The following DEFB131A variants were observed in gnomAD, a reference collection of about 807,000 sequenced individuals.
DEFB131A encodes defensin beta 131A.
DEFB131A carries 5 observed loss-of-function variants against 2.4 expected under a neutral mutation model. That is an observed-to-expected ratio of 2.12 (90% confidence interval 1.11 to 4.47). The LOEUF (loss-of-function observed/expected upper bound fraction) is 4.47, where lower values mean the gene tolerates loss of function less well. DEFB131A is among the 30% of genes most tolerant of loss of function. The pLI is 0.00. For synonymous variants in DEFB131A, 34 were observed against 25.7 expected (o/e 1.32, Z -0.97); for missense variants, 120 against 79.9 (o/e 1.50, Z -1.91).
rs759649702 is a variant in DEFB131A, at chr4:9,444,510, C to G, written c.-24C>G. 3.1e-6 allele frequency: 5 copies of G among 1,610,634 alleles called. No individual in the cohort carries two copies. The highest frequency in any genetic ancestry group is 4.2e-6 in the Non-Finnish European group (5 of 1,179,258). On this transcript the variant is annotated 5_prime_UTR_variant, in exon 1 of 2. Coordinates refer to ENST00000334879, the MANE Select transcript of DEFB131A (RefSeq NM_001040448.3). ...TCTTCATCTCAGCTACTGATTCTCT[C>G]TAACCTGCTTTACCTATTCAACCAT...
chr4:9,445,006 A>G (rs1717458159), intron 1 of DEFB131A, among the ~76,000 whole-genome samples: 1 of 152,048 alleles, frequency 6.6e-6, no homozygotes, highest in Non-Finnish European at 1.5e-5. Flanking sequence ...CTCGAGCCTG[A>G]GATGTCAAGG....
intron 1 of DEFB131A, 128 bp downstream of exon 1, chr4:9,444,719 G>A (rs1294767573): frequency 1.1e-6 from 1 of 911,120 alleles, no homozygotes; most frequent in African/African-American, 1.6e-5. Flanking sequence ...CTGCTCAGAG[G>A]ATTGAAGAGT....
In DEFB131A at chr4:9,450,590, A is replaced by G; in HGVS notation, c.*76A>G. The G allele has an allele frequency of 1.3e-6, 2 of 1,508,252 alleles. No individual in the cohort carries two copies. Among genetic ancestry groups the G allele is most frequent in the Non-Finnish European group, 1.8e-6 (2 of 1,118,840 alleles). 93.4% of individuals were successfully genotyped at this position (1,508,252 alleles called of 1,614,324 possible). A position where few individuals can be genotyped will look rare whatever the true frequency, so the allele number is the denominator to read the frequency against. ...ACTCTCTTATCTATGAATAATTAAC[A>G]TGATAGATGAAAATTATTATAATTG... On this transcript the variant is annotated 3_prime_UTR_variant, in exon 2 of 2. Transcript: ENST00000334879.
At chr4:9,447,689 G>A (rs1399502871) in intron 1 of DEFB131A, among the ~76,000 whole-genome samples, 1 of 150,656 alleles carries the variant, frequency 6.6e-6, no homozygotes, top group Non-Finnish European at 1.5e-5. Context: ...CATACCCTGG[G>A]AGTCTCATTT....
Position 9,444,999 on chromosome 4 carries a change from G to A in DEFB131A, c.58+408G>A, listed in dbSNP as rs138399907. On this transcript the variant is annotated intron_variant, in intron 1 of 1. Coordinates refer to ENST00000334879, the MANE Select transcript of DEFB131A (RefSeq NM_001040448.3). ...TCAGGAAGCTTAGGCAGGATCGCTC[G>A]AGCCTGAGATGTCAAGGCTGCATTC... 1.4e-3 allele frequency among the ~76,000 whole-genome samples: 211 copies of A among 152,046 alleles called. No individual in the cohort carries two copies. In the East Asian group the frequency reaches 0.019, roughly 14 times the overall value.
intron 1 of DEFB131A, among the ~76,000 whole-genome samples, chr4:9,445,368 G>C (rs1440655381): frequency 6.6e-6 from 1 of 151,996 alleles, no homozygotes; most frequent in Non-Finnish European, 1.5e-5. Flanking sequence ...TTTTTGTATG[G>C]TGAGAGTTAA....
At chr4:9,448,173 A>C (rs1336237022) in intron 1 of DEFB131A, among the ~76,000 whole-genome samples, 2 of 136,286 alleles carry the variant, frequency 1.5e-5, no homozygotes, top group Admixed American at 1.4e-4. Context: ...TCAAAGACAA[A>C]AAAAAAAAAA....
intron 1 of DEFB131A, among the ~76,000 whole-genome samples, chr4:9,447,025 A>T (rs1049314639): frequency 3.3e-5 from 5 of 152,118 alleles, no homozygotes; most frequent in Non-Finnish European, 5.9e-5. Flanking sequence ...AGCCTGGAGA[A>T]TGTTCTATGT....
Position 9,444,951 on chromosome 4 carries a change from C to T in DEFB131A, c.58+360C>T, listed in dbSNP as rs558995875. Among the ~76,000 whole-genome samples, 16 of 151,582 alleles carry T rather than the reference C, an allele frequency of 1.1e-4. 1 individual carries two copies. In the Middle Eastern group the frequency reaches 0.01, roughly 97 times the overall value. ...ACAAAAAATTAATCAGGTATAGTGG[C>T]GCGTGTCTGTGGTTCTGGCTACTCA... is the stretch of plus-strand genomic sequence containing the variant. On this transcript the variant is annotated intron_variant, in intron 1 of 1. Coordinates refer to ENST00000334879, the MANE Select transcript of DEFB131A (RefSeq NM_001040448.3).
chr4:9,450,098 T>G (rs1328692210), intron 1 of DEFB131A, among the ~76,000 whole-genome samples: 2 of 152,184 alleles, frequency 1.3e-5, no homozygotes, highest in Admixed American at 6.6e-5. Context: ...TAATTCATTT[T>G]AGGTAGAAAT....
chr4:9,448,107 G>A (rs540196744), intron 1 of DEFB131A, among the ~76,000 whole-genome samples: 33 of 150,616 alleles, frequency 2.2e-4, no homozygotes, highest in African/African-American at 3.9e-4. Flanking sequence ...AGAATAACAC[G>A]CAAGATAAAT....
chr4:9,446,426 A>G (rs1366446448), intron 1 of DEFB131A, among the ~76,000 whole-genome samples: 1 of 152,092 alleles, frequency 6.6e-6, no homozygotes, highest in Non-Finnish European at 1.5e-5. Context: ...TTTCTTTTAT[A>G]TCAGTTGTAA....
chr4:9,446,284 T>A (rs1446902686), intron 1 of DEFB131A, among the ~76,000 whole-genome samples: 3 of 152,136 alleles, frequency 2.0e-5, no homozygotes, highest in African/African-American at 7.2e-5. Context: ...TAATATGATT[T>A]ATTATAAAGT....
chr4:9,449,354 C>T (rs546069180), intron 1 of DEFB131A, among the ~76,000 whole-genome samples: 2 of 93,600 alleles, frequency 2.1e-5, no homozygotes, highest in Non-Finnish European at 2.3e-5. Context: ...GACATATAGG[C>T]CACTGGAAGA....
chr4:9,447,691 G>T (rs1304071709), intron 1 of DEFB131A, among the ~76,000 whole-genome samples: 2 of 149,314 alleles, frequency 1.3e-5, no homozygotes, highest in African/African-American at 5.0e-5. Context: ...TACCCTGGGA[G>T]TCTCATTTTA....
intron 1 of DEFB131A, among the ~76,000 whole-genome samples, chr4:9,448,710 A>G (rs1236754327): frequency 2.0e-5 from 3 of 152,202 alleles, no homozygotes; most frequent in Non-Finnish European, 4.4e-5. Context: ...TTACAATAAA[A>G]GTAAAAAGAA....
At chr4:9,446,328 A>G (rs1382748748) in intron 1 of DEFB131A, among the ~76,000 whole-genome samples, 4 of 147,386 alleles carry the variant, frequency 2.7e-5, no homozygotes, top group African/African-American at 1.1e-4. Context: ...TGGGAAAGTT[A>G]GATTGATTAT....
chr4:9,450,026 T>C (rs958408078), intron 1 of DEFB131A, among the ~76,000 whole-genome samples: 1 of 152,212 alleles, frequency 6.6e-6, no homozygotes, highest in African/African-American at 2.4e-5. Context: ...CTCAAGAATT[T>C]AACTCCAGAA....
chr4:9,445,822 A>T (rs1047656096), intron 1 of DEFB131A, among the ~76,000 whole-genome samples: 1 of 152,130 alleles, frequency 6.6e-6, no homozygotes. Flanking sequence ...CGCAAGAAGA[A>T]ATCTCTCCTC....
Sources: gnomAD v4.1 joint callset for allele counts (sites outside exome capture counted in the v4.1 genomes callset) on GRCh38, gnomAD v4.1.1 for gene constraint, MANE v1.5 for transcripts, NCBI Gene and HGNC (gene_info 2026-07-23, HGNC 2026-07-21) for gene names.